HDAC4: variants seen among roughly 807,000 people sequenced by gnomAD.
HDAC4 encodes histone deacetylase 4, also known as histone deacetylase A.
In HDAC4, 16 loss-of-function variants were observed where a neutral mutation model predicts 135.1. The ratio of observed to expected loss-of-function variants is 0.12; its 90% CI spans 0.08 to 0.18. HDAC4 has a LOEUF of 0.18. Among genes scored for constraint, HDAC4 ranks in the 10% least tolerant of loss-of-function variants. The pLI, the probability that HDAC4 is intolerant of heterozygous loss-of-function variation, is 1.00. For synonymous variants in HDAC4, 685 were observed against 653.4 expected (o/e 1.05, Z -0.74); for missense variants, 1,143 against 1,511.8 (o/e 0.76, Z 4.05).
At chr2:239,298,203 G>C (rs1055418318) in intron 2 of HDAC4, 3 of 1,289,252 alleles carry the variant, frequency 2.3e-6, no homozygotes, top group Non-Finnish European at 3.0e-6. Context: ...GAACAGCAGA[G>C]GCCCGTCTCG....
intron 12 of HDAC4, among the ~76,000 whole-genome samples, chr2:239,116,234 C>G (rs1182125167): frequency 6.6e-6 from 1 of 152,214 alleles, no homozygotes; most frequent in African/African-American, 2.4e-5. Context: ...CCCAAACTCG[C>G]TCTTTACCTC....
At position 239,225,522 on chromosome 2, in the gene HDAC4, G is replaced by C. The variant is rs558094482; in HGVS notation, c.94+11071C>G. ...CCTGCAGGGTGCCCCCACCCCAGGG[G>C]GGGATGAGAAACACCTGGATGGAGG... On this transcript the variant is annotated intron_variant, in intron 3 of 26. Coordinates refer to ENST00000543185, the MANE Select transcript of HDAC4 (RefSeq NM_001378414.1). 4.9e-4 allele frequency among the ~76,000 whole-genome samples: 75 copies of C among 152,350 alleles called. 3 individuals are homozygous for C. The South Asian group carries it at 0.015, about 30-fold the overall frequency.
intron 4 of HDAC4, 89 bp from the exon 5 acceptor site, chr2:239,176,652 C>A (rs1213425555): frequency 1.4e-5 from 17 of 1,218,678 alleles, no homozygotes; most frequent in South Asian, 2.5e-5. Flanking sequence ...CCAGCCCAGG[C>A]CCTACACGTC....
chr2:239,199,071 T>A (rs1288547719), intron 3 of HDAC4, among the ~76,000 whole-genome samples: 2 of 151,402 alleles, frequency 1.3e-5, no homozygotes, highest in Non-Finnish European at 2.9e-5. Context: ...AGCTGATGTA[T>A]CTTTTAAGAC....
intron 2 of HDAC4, among the ~76,000 whole-genome samples, chr2:239,305,088 G>A (rs1165778984): frequency 6.6e-6 from 1 of 152,176 alleles, no homozygotes; most frequent in Non-Finnish European, 1.5e-5. Flanking sequence ...GGGGGCAGAG[G>A]TGCCCACTGC....
At chr2:239,184,421 G>T (rs1189578912) in intron 4 of HDAC4, among the ~76,000 whole-genome samples, 1 of 146,352 alleles carries the variant, frequency 6.8e-6, no homozygotes, top group East Asian at 2.1e-4. Flanking sequence ...CCTATGGGGG[G>T]GTCCCTCAGT....
rs1029378630 is a variant in HDAC4, at chr2:239,141,945, T to C, written c.866-2149A>G. On this transcript the variant is annotated intron_variant, in intron 8 of 26. Coordinates refer to ENST00000543185, the MANE Select transcript of HDAC4 (RefSeq NM_001378414.1). The surrounding 1 kb of genome is among the most constrained non-coding windows in gnomAD (Gnocchi z 4.9). ...TTAGATCAGCAAAACGGGAACACCA[T>C]TGGAGGTGCTCAAAAGGCGTGTGGC... Among the ~76,000 whole-genome samples, 7 of 152,188 alleles carry C rather than the reference T, an allele frequency of 4.6e-5. No homozygotes were observed. Among genetic ancestry groups the C allele is most frequent in the East Asian group, 1.9e-4 (1 of 5,190 alleles).
At chr2:239,110,074 C>G (rs1049335019) in intron 14 of HDAC4, among the ~76,000 whole-genome samples, 37 of 152,288 alleles carry the variant, frequency 2.4e-4, no homozygotes, top group African/African-American at 8.7e-4. Context: ...GAGGTACTAA[C>G]AGAAAGCATC....
intron 16 of HDAC4, chr2:239,102,575 C>A: frequency 3.3e-6 from 2 of 607,966 alleles, no homozygotes; most frequent in Non-Finnish European, 5.8e-6. Flanking sequence ...AGTTTTTACA[C>A]AAACACACCT....
At chr2:239,211,040 A>G (rs2046332810) in intron 3 of HDAC4, among the ~76,000 whole-genome samples, 1 of 152,236 alleles carries the variant, frequency 6.6e-6, no homozygotes, top group Admixed American at 6.5e-5. Flanking sequence ...TTTACTGGAC[A>G]GTATTTGAAA....
intron 2 of HDAC4, among the ~76,000 whole-genome samples, chr2:239,348,590 G>A (rs780733088): frequency 6.6e-6 from 1 of 152,236 alleles, no homozygotes; most frequent in African/African-American, 2.4e-5. Flanking sequence ...GCAGGCCCCC[G>A]TGGGCTTTCC....
Position 239,190,087 on chromosome 2 carries a change from A to G in HDAC4, c.95-10T>C, listed in dbSNP as rs561963526. 5.0e-6 allele frequency: 8 copies of G among 1,598,102 alleles called. No individual in the cohort carries two copies. In the East Asian group the frequency reaches 1.6e-4, roughly 31 times the overall value. ...GCCGTGGCCACATCCACTGTGGGAA[A>G]AACAAGCAGGAGAGCCGGTCACTGC... is the stretch of plus-strand genomic sequence containing the variant. On this transcript the variant is annotated splice_polypyrimidine_tract_variant and intron_variant, in intron 3 of 26. Coordinates refer to ENST00000543185, the MANE Select transcript of HDAC4 (RefSeq NM_001378414.1).
chr2:239,316,645 G>A (rs2053125813), intron 2 of HDAC4, among the ~76,000 whole-genome samples: 1 of 152,128 alleles, frequency 6.6e-6, no homozygotes, highest in African/African-American at 2.4e-5. Flanking sequence ...GCTGTCCACA[G>A]GAATGAGCAG....
At chr2:239,273,233 T>G (rs2050151852) in intron 2 of HDAC4, among the ~76,000 whole-genome samples, 1 of 151,980 alleles carries the variant, frequency 6.6e-6, no homozygotes, top group South Asian at 2.1e-4. Context: ...AAGGGCCAAC[T>G]CCACAGGGCC....
chr2:239,112,378 T>A (rs750896857), intron 13 of HDAC4, among the ~76,000 whole-genome samples: 1 of 152,222 alleles, frequency 6.6e-6, no homozygotes, highest in Non-Finnish European at 1.5e-5. Flanking sequence ...AAGTGCCAAC[T>A]GGGCTTCATC....
chr2:239,193,942 G>T (rs988495413), intron 3 of HDAC4, among the ~76,000 whole-genome samples: 1 of 152,222 alleles, frequency 6.6e-6, no homozygotes, highest in African/African-American at 2.4e-5. Flanking sequence ...TTTCATCAGG[G>T]TCAGAGGCAA....
chr2:239,140,752 A>G (rs2041307681), intron 8 of HDAC4: 1 of 296,502 alleles, frequency 3.4e-6, no homozygotes, highest in Admixed American at 4.5e-5. Context: ...GGGGAGGTTA[A>G]GGGATGTTTT....
At chr2:239,238,326 G>A (rs1266699995) in intron 2 of HDAC4, among the ~76,000 whole-genome samples, 1 of 152,078 alleles carries the variant, frequency 6.6e-6, no homozygotes, top group African/African-American at 2.4e-5. Context: ...ATGTGTGTGT[G>A]TATTTAACCC....
chr2:239,108,187 G>T lies in HDAC4; in HGVS notation c.1979-4C>A. 6.3e-7 allele frequency: 1 copy of T among 1,595,858 alleles called. No homozygotes were observed. Among genetic ancestry groups the T allele is most frequent in the East Asian group, 2.3e-5 (1 of 43,872 alleles). On this transcript the variant is annotated splice_polypyrimidine_tract_variant and splice_region_variant and intron_variant, in intron 14 of 26. Transcript: ENST00000543185. ...ATCAGCGTGTCATACACGAGGCCTG[G>T]GGCGGGGCAGAGGGGCCAAGATCAG...
Sources: allele counts gnomAD v4.1 joint callset (sites outside exome capture counted in the v4.1 genomes callset), GRCh38; gene constraint gnomAD v4.1.1; non-coding constraint Gnocchi (gnomAD v3.1); transcripts MANE v1.5; gene names NCBI Gene and HGNC (gene_info 2026-07-23, HGNC 2026-07-21).